The following BNC2 variants were observed in gnomAD, a reference collection of about 807,000 sequenced individuals.
BNC2 encodes the protein zinc finger protein basonuclin-2.
In BNC2, 20 loss-of-function variants were observed where a neutral mutation model predicts 76.3. The ratio of observed to expected loss-of-function variants is 0.26; its 90% CI spans 0.18 to 0.38. BNC2 has a LOEUF of 0.38. BNC2 is among the 10% of genes least tolerant of loss of function. BNC2 has a pLI of 1.00. For synonymous variants in BNC2, 582 were observed against 514.8 expected (o/e 1.13, Z -1.77); for missense variants, 1,382 against 1,399.8 (o/e 0.99, Z 0.20).
chr9:16,580,960 C>T (rs1368685810), intron 4 of BNC2, among the ~76,000 whole-genome samples: 1 of 152,146 alleles, frequency 6.6e-6, no homozygotes, highest in Non-Finnish European at 1.5e-5. Flanking sequence ...GATTTGACCT[C>T]AGAACAGTCT....
chr9:16,577,901 GA>G (rs1019296870), intron 4 of BNC2, among the ~76,000 whole-genome samples: 18 of 150,234 alleles, frequency 1.2e-4, no homozygotes, highest in Admixed American at 2.0e-4. Context: ...TAAAGTCAAA[GA>G]AAAAAAAAGA....
At chr9:16,676,423 T>C (rs1413904625) in intron 3 of BNC2, among the ~76,000 whole-genome samples, 1 of 152,248 alleles carries the variant, frequency 6.6e-6, no homozygotes, top group Non-Finnish European at 1.5e-5. Context: ...GTTTTCCTTC[T>C]TCTATGAAGC....
At chr9:16,821,815 TG>T (rs201144151) in intron 1 of BNC2, among the ~76,000 whole-genome samples, 1,729 of 151,962 alleles carry the variant, frequency 0.011, 37 homozygotes, top group African/African-American at 0.04. Flanking sequence ...CAGGTGGGGC[TG>T]GGCACGGTGG....
intron 1 of BNC2, among the ~76,000 whole-genome samples, chr9:16,758,938 T>G (rs1421173786): frequency 1.3e-5 from 2 of 152,244 alleles, no homozygotes; most frequent in Non-Finnish European, 2.9e-5. Context: ...AAATTATCTT[T>G]CATTTGAATG....
intron 5 of BNC2, among the ~76,000 whole-genome samples, chr9:16,503,696 G>C (rs1822568330): frequency 6.6e-6 from 1 of 152,124 alleles, no homozygotes; most frequent in Non-Finnish European, 1.5e-5. Context: ...TACTATCACT[G>C]ATATCCACAG....
At chr9:16,687,352 G>C (rs1244084510) in intron 3 of BNC2, among the ~76,000 whole-genome samples, 2 of 152,114 alleles carry the variant, frequency 1.3e-5, no homozygotes, top group Admixed American at 1.3e-4. Context: ...CCTTGGTCTA[G>C]GACAACATAA....
chr9:16,623,219 T>C (rs1167515726), intron 3 of BNC2, among the ~76,000 whole-genome samples: 1 of 152,042 alleles, frequency 6.6e-6, no homozygotes, highest in African/African-American at 2.4e-5. Flanking sequence ...AGACACAAAG[T>C]AGTCAGGTTA....
intron 3 of BNC2, among the ~76,000 whole-genome samples, chr9:16,636,582 T>G (rs1821334650): frequency 6.6e-6 from 1 of 152,044 alleles, no homozygotes. Context: ...GGATTACAGG[T>G]GTGAGCCGCC....
At chr9:16,734,821 G>C (rs1358904477) in intron 2 of BNC2, among the ~76,000 whole-genome samples, 1 of 152,166 alleles carries the variant, frequency 6.6e-6, no homozygotes, top group South Asian at 2.1e-4. Context: ...GAGGAAAATA[G>C]GCCTTCTAAC....
At chr9:16,481,114 C>T (rs1158352652) in intron 5 of BNC2, among the ~76,000 whole-genome samples, 1 of 152,102 alleles carries the variant, frequency 6.6e-6, no homozygotes, top group Non-Finnish European at 1.5e-5. Flanking sequence ...TCTGGTGGGG[C>T]CTTGGAGAAC....
Position 16,595,571 on chromosome 9 carries a change from C to T in BNC2, c.331-12486G>A, listed in dbSNP as rs1423871841. On this transcript the variant is annotated intron_variant, in intron 3 of 6. Coordinates refer to ENST00000380672, the MANE Select transcript of BNC2 (RefSeq NM_017637.6). Reference sequence around the variant, plus strand: ...TTTAAAAAACACAAATACAATGTTACCATTTCTTCTAAAAGGTGGTTTTCT... The same window carrying T: ...TTTAAAAAACACAAATACAATGTTATCATTTCTTCTAAAAGGTGGTTTTCT... Among the ~76,000 whole-genome samples the T allele has an allele frequency of 3.9e-5, 6 of 152,036 alleles. No individual in the cohort carries two copies. In the East Asian group the frequency reaches 9.6e-4, roughly 24 times the overall value.
At chr9:16,786,681 C>T (rs1826302944) in intron 1 of BNC2, among the ~76,000 whole-genome samples, 1 of 152,156 alleles carries the variant, frequency 6.6e-6, no homozygotes, top group Non-Finnish European at 1.5e-5. Context: ...ACCCCAACTG[C>T]AGAAAGGGGG....
chr9:16,422,112 T>G (rs545375177), intron 6 of BNC2, among the ~76,000 whole-genome samples: 1 of 152,212 alleles, frequency 6.6e-6, no homozygotes, highest in South Asian at 2.1e-4. Flanking sequence ...AGATGACTTG[T>G]GAAATTACAC....
chr9:16,666,918 A>G (rs1822310911), intron 3 of BNC2, among the ~76,000 whole-genome samples: 1 of 152,068 alleles, frequency 6.6e-6, no homozygotes, highest in African/African-American at 2.4e-5. Context: ...TTCAGTCTAC[A>G]GTTAAAAAAT....
At chr9:16,457,237 A>G (rs942305071) in intron 5 of BNC2, among the ~76,000 whole-genome samples, 15 of 152,142 alleles carry the variant, frequency 9.9e-5, no homozygotes, top group Non-Finnish European at 2.2e-4. Context: ...AATAGAAAAA[A>G]TTTTCAGGCA....
chr9:16,654,137 CAG>C (rs1251514222), intron 3 of BNC2, among the ~76,000 whole-genome samples: 1 of 152,146 alleles, frequency 6.6e-6, no homozygotes, highest in East Asian at 1.9e-4. Context: ...ATAAAACATT[CAG>C]AGAGAGGGAC....
At chr9:16,603,430 T>C (rs1034273408) in intron 3 of BNC2, among the ~76,000 whole-genome samples, 6 of 152,234 alleles carry the variant, frequency 3.9e-5, no homozygotes, top group East Asian at 1.9e-4. Flanking sequence ...ATGCAAATAT[T>C]TGTTAAACTT....
At chr9:16,860,032 G>C (rs894423960) in intron 1 of BNC2, among the ~76,000 whole-genome samples, 1 of 151,850 alleles carries the variant, frequency 6.6e-6, no homozygotes, top group South Asian at 2.1e-4. Flanking sequence ...TCAGGCAGGG[G>C]AATTGCTTGA....
At chr9:16,464,151 GC>G (rs1225624864) in intron 5 of BNC2, among the ~76,000 whole-genome samples, 3 of 150,492 alleles carry the variant, frequency 2.0e-5, no homozygotes, top group African/African-American at 7.3e-5. Context: ...AATGGGAGGA[GC>G]TAGTAGTAGA....
Sources: gnomAD v4.1 joint callset for allele counts (sites outside exome capture counted in the v4.1 genomes callset) on GRCh38, gnomAD v4.1.1 for gene constraint, MANE v1.5 for transcripts, NCBI Gene and HGNC (gene_info 2026-07-23, HGNC 2026-07-21) for gene names.